PDZRN3: variants seen among roughly 807,000 people sequenced by gnomAD.
PDZRN3 encodes PDZ domain containing ring finger 3.
PDZRN3 carries 38 observed loss-of-function variants against 85.7 expected under a neutral mutation model. The ratio of observed to expected loss-of-function variants is 0.44; its 90% CI spans 0.34 to 0.58. PDZRN3 has a LOEUF of 0.58. Among genes scored for constraint, PDZRN3 ranks in the 20% least tolerant of loss-of-function variants. The pLI is 0.01. For synonymous variants in PDZRN3, 759 were observed against 638.0 expected (o/e 1.19, Z -2.86); for missense variants, 1,629 against 1,506.4 (o/e 1.08, Z -1.35).
At chr3:73,390,253 A>G (rs771879950) in intron 6 of PDZRN3, among the ~76,000 whole-genome samples, 1 of 152,252 alleles carries the variant, frequency 6.6e-6, no homozygotes, top group Non-Finnish European at 1.5e-5. Context: ...ATTTTATACC[A>G]AATACTTGTA....
rs1046018621 is a variant in PDZRN3, at chr3:73,411,641, C to T, written c.919-7246G>A. Among the ~76,000 whole-genome samples, 7 of 149,026 alleles carry T rather than the reference C, an allele frequency of 4.7e-5. No individual in the cohort carries two copies. The South Asian group carries it at 1.5e-3, about 31-fold the overall frequency. The stretch of plus-strand genomic sequence containing the variant: ...CAGGTGATGATCTGGCCTCCAGACT[C>T]CTGCATTTCAGCCCTGGACACATAG... On this transcript the variant is annotated intron_variant, in intron 3 of 9. Transcript: ENST00000263666.
chr3:73,391,034 C>T lies in PDZRN3; in HGVS notation c.1337G>A (p.Gly446Glu), dbSNP rs758751324. ...CCTTTGTACCTCACTGATATAAATCCCAATGTCGTCTTCATCGTCCGTCCG... is the reference window on the plus strand; with the variant it reads ...CCTTTGTACCTCACTGATATAAATCTCAATGTCGTCTTCATCGTCCGTCCG... ...CYRTDDEDDI[G>E]IYISEIDPNS... Residue 446 changes from glycine to glutamate, a missense_variant, in exon 6 of 10, where the codon GGG becomes GAG. By Grantham distance (98) the Gly-to-Glu change is moderately conservative. Coordinates refer to ENST00000263666, the MANE Select transcript of PDZRN3 (RefSeq NM_015009.3). The T allele has an allele frequency of 1.2e-6, 2 of 1,612,254 alleles. No homozygotes were observed. Among genetic ancestry groups the T allele is most frequent in the Non-Finnish European group, 1.7e-6 (2 of 1,178,412 alleles).
At chr3:73,426,108 A>G (rs1463316989) in intron 3 of PDZRN3, among the ~76,000 whole-genome samples, 2 of 152,068 alleles carry the variant, frequency 1.3e-5, no homozygotes. Context: ...GTTTAGGAGG[A>G]TATAGGATAA....
At chr3:73,420,537 T>G (rs535051233) in intron 3 of PDZRN3, among the ~76,000 whole-genome samples, 16 of 152,340 alleles carry the variant, frequency 1.1e-4, no homozygotes, top group Admixed American at 2.0e-4. Context: ...CTTTACATAC[T>G]TCTGTTGAAA....
In PDZRN3 at chr3:73,389,796, T is replaced by C. The variant is rs565871661; in HGVS notation, c.1416+20A>G. On this transcript the variant is annotated intron_variant, in intron 7 of 9. Coordinates refer to ENST00000263666, the MANE Select transcript of PDZRN3 (RefSeq NM_015009.3). ...TAGTGATAGGCCCATCATGAGGCCA[T>C]TGTTTGGAAGTGGACTTACCTGGAT... 1.7e-5 allele frequency: 27 copies of C among 1,580,788 alleles called. No individual in the cohort carries two copies. Among genetic ancestry groups the C allele is most frequent in the Admixed American group, 1.7e-4 (10 of 59,984 alleles).
At chr3:73,415,076 C>T (rs1380126823) in intron 3 of PDZRN3, among the ~76,000 whole-genome samples, 2 of 152,170 alleles carry the variant, frequency 1.3e-5, no homozygotes, top group Non-Finnish European at 1.5e-5. Context: ...CGGCCTGGGG[C>T]TGCCAATATA....
At chr3:73,518,469 A>C (rs1185221104) in intron 3 of PDZRN3, among the ~76,000 whole-genome samples, 1 of 152,206 alleles carries the variant, frequency 6.6e-6, no homozygotes, top group Non-Finnish European at 1.5e-5. Context: ...ATGCCACTGA[A>C]TTGTACACTT....
intron 1 of PDZRN3, among the ~76,000 whole-genome samples, chr3:73,619,079 A>C (rs1702811699): frequency 2.0e-5 from 3 of 152,212 alleles, no homozygotes; most frequent in African/African-American, 7.2e-5. Context: ...GGCTTTATAA[A>C]ACTTGATCTG....
intron 3 of PDZRN3, among the ~76,000 whole-genome samples, chr3:73,592,538 C>T (rs1186352175): frequency 6.6e-6 from 1 of 152,084 alleles, no homozygotes; most frequent in African/African-American, 2.4e-5. Flanking sequence ...GAGTGCCACT[C>T]TCAGGAGAAA....
intron 3 of PDZRN3, among the ~76,000 whole-genome samples, chr3:73,488,309 C>T (rs1448595711): frequency 2.6e-5 from 4 of 152,118 alleles, no homozygotes; most frequent in East Asian, 3.9e-4. Flanking sequence ...TAAAACTTAC[C>T]CTGTCTCCAA....
Position 73,583,722 on chromosome 3 carries a change from G to A in PDZRN3, c.918+18632C>T, listed in dbSNP as rs536153261. 1.8e-3 allele frequency among the ~76,000 whole-genome samples: 279 copies of A among 152,272 alleles called. 1 individual carries two copies. The highest frequency in any genetic ancestry group is 6.8e-3 in the Middle Eastern group (2 of 294). ...GTACCTCACACAATCTGTCACTGTAGGAGTCCACCCTCAAAGTGGCCAACT... is the reference window on the plus strand; with the variant it reads ...GTACCTCACACAATCTGTCACTGTAAGAGTCCACCCTCAAAGTGGCCAACT... On this transcript the variant is annotated intron_variant, in intron 3 of 9. Coordinates refer to ENST00000263666, the MANE Select transcript of PDZRN3 (RefSeq NM_015009.3).
intron 3 of PDZRN3, among the ~76,000 whole-genome samples, chr3:73,460,334 A>G (rs1057514498): frequency 2.0e-5 from 3 of 152,224 alleles, no homozygotes; most frequent in African/African-American, 7.2e-5. Context: ...TCCTCCCTGC[A>G]TTATGATTTG....
intron 3 of PDZRN3, among the ~76,000 whole-genome samples, chr3:73,579,273 T>A (rs1420391848): frequency 1.3e-5 from 2 of 152,218 alleles, no homozygotes; most frequent in African/African-American, 4.8e-5. Context: ...CACCTTGACC[T>A]TGAACTTCCC....
chr3:73,384,526 G>A lies in PDZRN3; in HGVS notation c.2040C>T (p.Ser680=), dbSNP rs1449819726. The stretch of plus-strand genomic sequence containing the variant: ...TCAGCAGCTCCAGCTCCTTGTCCAC[G>A]CTCTCAGGGTCACTCTTGCCGGCGT... ...PLDAGKSDPE[S]VDKELELLNE... The change falls in exon 10 of 10, where the codon AGC becomes AGT. Residue 680 remains serine, a synonymous_variant. Coordinates refer to ENST00000263666, the MANE Select transcript of PDZRN3 (RefSeq NM_015009.3). 6 of 1,613,690 alleles carry A rather than the reference G, an allele frequency of 3.7e-6. No individual in the cohort carries two copies. The South Asian group carries it at 5.5e-5, about 15-fold the overall frequency.
intron 3 of PDZRN3, among the ~76,000 whole-genome samples, chr3:73,560,794 A>C (rs1701799675): frequency 6.6e-6 from 1 of 152,224 alleles, no homozygotes; most frequent in African/African-American, 2.4e-5. Flanking sequence ...ATGATCCAGA[A>C]AACAGCATTA....
At chr3:73,462,325 C>T (rs972088580) in intron 3 of PDZRN3, among the ~76,000 whole-genome samples, 7 of 151,888 alleles carry the variant, frequency 4.6e-5, no homozygotes, top group African/African-American at 7.3e-5. Context: ...GGGCAGATCA[C>T]GAGGTCAGGA....
At chr3:73,415,928 G>A (rs1702071906) in intron 3 of PDZRN3, among the ~76,000 whole-genome samples, 1 of 148,340 alleles carries the variant, frequency 6.7e-6, no homozygotes, top group Admixed American at 6.7e-5. Flanking sequence ...GCTAATAATA[G>A]TGTGTCACAT....
At chr3:73,408,391 G>C in intron 3 of PDZRN3, 2 of 588,922 alleles carry the variant, frequency 3.4e-6, no homozygotes, top group Non-Finnish European at 6.0e-6. Context: ...TCCTGTAGTA[G>C]AAGAGACACA....
intron 3 of PDZRN3, among the ~76,000 whole-genome samples, chr3:73,454,970 T>G (rs1330761341): frequency 6.6e-6 from 1 of 152,156 alleles, no homozygotes; most frequent in East Asian, 1.9e-4. Context: ...TACACTATCT[T>G]GACTAATTTC....
Sources: allele counts gnomAD v4.1 joint callset (sites outside exome capture counted in the v4.1 genomes callset), GRCh38; gene constraint gnomAD v4.1.1; transcripts MANE v1.5; gene names NCBI Gene and HGNC (gene_info 2026-07-23, HGNC 2026-07-21).